SLC25A11: variants seen among roughly 807,000 people sequenced by gnomAD.
SLC25A11 encodes solute carrier family 25 member 11, also known as mitochondrial 2-oxoglutarate/malate carrier protein.
In SLC25A11, 11 loss-of-function variants were observed where a neutral mutation model predicts 32.7. The ratio of observed to expected loss-of-function variants is 0.34; its 90% CI spans 0.21 to 0.56. SLC25A11 has a LOEUF of 0.56. Among genes scored for constraint, SLC25A11 ranks in the 20% least tolerant of loss-of-function variants. The pLI, the probability that SLC25A11 is intolerant of heterozygous loss-of-function variation, is 0.90. For synonymous variants in SLC25A11, 163 were observed against 168.3 expected (o/e 0.97, Z 0.24); for missense variants, 295 against 426.3 (o/e 0.69, Z 2.71).
rs1292889654 is a variant in SLC25A11, at chr17:4,938,491, G to T, written c.546+21C>A. On this transcript the variant is annotated intron_variant, in intron 4 of 7. Coordinates refer to ENST00000225665, the MANE Select transcript of SLC25A11 (RefSeq NM_003562.5). The surrounding 1 kb of genome is among the most constrained non-coding windows in gnomAD (Gnocchi z 7.6). ...TAAAACCAGACCTCACAGCCCCCAA[G>T]TCTCCAGCCCCTCCACTCACCCGCC... 1 of 1,613,704 alleles carries T rather than the reference G, an allele frequency of 6.2e-7. No homozygotes were observed. Among genetic ancestry groups the T allele is most frequent in the Admixed American group, 1.7e-5 (1 of 60,022 alleles).
chr17:4,938,255 T>TGGGGGAGGTGAGGCGGG lies in SLC25A11; in HGVS notation c.638-19_638-3dup. 1 of 1,613,286 alleles carries TGGGGGAGGTGAGGCGGG rather than the reference T, an allele frequency of 6.2e-7. No individual in the cohort carries two copies. On this transcript the variant is annotated splice_region_variant and splice_polypyrimidine_tract_variant and intron_variant, in intron 5 of 7. Coordinates refer to ENST00000225665, the MANE Select transcript of SLC25A11 (RefSeq NM_003562.5). The surrounding 1 kb of genome is among the most constrained non-coding windows in gnomAD (Gnocchi z 7.6). ...ACAAGATGTTGTCAGAGAAGTAGCC[T>TGGGGGAGGTGAGGCGGG]GGGGGAGGTGAGGCGGGGGTGGCAG...
Position 4,937,624 on chromosome 17 carries a change from G to A in SLC25A11, c.*117C>T. ...AGAACAGACCAAGTCCTTTACCGCA[G>A]AGGAAGAAACCACACTGTGGAAGGG... On this transcript the variant is annotated 3_prime_UTR_variant, in exon 8 of 8. Coordinates refer to ENST00000225665, the MANE Select transcript of SLC25A11 (RefSeq NM_003562.5). 7.9e-7 allele frequency: 1 copy of A among 1,272,614 alleles called. No individual in the cohort carries two copies. Among genetic ancestry groups the A allele is most frequent in the South Asian group, 1.5e-5 (1 of 66,076 alleles). 78.8% of individuals were successfully genotyped at this position (1,272,614 alleles called of 1,614,324 possible).
Position 4,937,794 on chromosome 17 carries a change from T to C in SLC25A11, c.892A>G (p.Ile298Val), listed in dbSNP as rs1276442872. ...RLGPHTVLTF[I>V]FLEQMNKAYK... ...GCCTTGTTCATCTGCTCCAAGAAGA[T>C]GAAGGTGAGGACGGTGTGGGGGCCC... The change falls in exon 8 of 8, where the codon ATC becomes GTC. Residue 298 changes from isoleucine to valine, a missense_variant. Physicochemically the swap from Ile to Val is conservative, Grantham distance 29 (BLOSUM62 3). Around this residue, in one of 3 missense-constraint regions of SLC25A11, gnomAD observed 142 missense variants for 197.8 expected, o/e 0.72. Coordinates refer to ENST00000225665, the MANE Select transcript of SLC25A11 (RefSeq NM_003562.5). 2 of 1,614,040 alleles carry C rather than the reference T, an allele frequency of 1.2e-6. No individual in the cohort carries two copies. The highest frequency in any genetic ancestry group is 2.2e-5 in the South Asian group (2 of 91,086).
chr17:4,937,568 A>G lies in SLC25A11; in HGVS notation c.*173T>C, dbSNP rs763464837. ...CCAAGGACAGAGAAATCACAGGATC[A>G]GGACGAGCAGGGCAAGCTGGAGCAG... On this transcript the variant is annotated 3_prime_UTR_variant, in exon 8 of 8. Transcript: ENST00000225665. The G allele has an allele frequency of 3.4e-5, 22 of 641,946 alleles. No homozygotes were observed. The highest frequency in any genetic ancestry group is 4.9e-5 in the Non-Finnish European group (20 of 404,356). 39.8% of individuals were successfully genotyped at this position (641,946 alleles called of 1,614,324 possible).
rs1567652114 is a variant in SLC25A11, at chr17:4,939,026, CCA to C, written c.248+32_248+33del. 2 of 1,614,082 alleles carry C rather than the reference CCA, an allele frequency of 1.2e-6. No individual in the cohort carries two copies. The highest frequency in any genetic ancestry group is 8.5e-7 in the Non-Finnish European group (1 of 1,180,040). ...CAGGCCAAGGTCTAGAGCTGCCAAC[CCA>C]CAGTCTACCCTCCATCCTGAGGCCC... On this transcript the variant is annotated intron_variant, in intron 2 of 7. Transcript: ENST00000225665. This position sits in a 1 kb window ranked among gnomAD's most constrained non-coding sequence, Gnocchi z 4.1.
At position 4,939,010 on chromosome 17, in the gene SLC25A11, G is replaced by A. The variant is rs539752096; in HGVS notation, c.249-35C>T. 3.9e-5 allele frequency: 63 copies of A among 1,614,158 alleles called. 1 individual carries two copies. In the South Asian group the frequency reaches 6.6e-4, roughly 17 times the overall value. On this transcript the variant is annotated intron_variant, in intron 2 of 7. Transcript: ENST00000225665. This position sits in a 1 kb window ranked among gnomAD's most constrained non-coding sequence, Gnocchi z 4.1. ...AGAGGGGTCAGCATATCAGGCCAAG[G>A]TCTAGAGCTGCCAACCCACAGTCTA...
chr17:4,938,097 A>G lies in SLC25A11; in HGVS notation c.738-23T>C, dbSNP rs1267107871. 6.2e-7 allele frequency: 1 copy of G among 1,614,156 alleles called. No individual in the cohort carries two copies. Among genetic ancestry groups the G allele is most frequent in the African/African-American group, 1.3e-5 (1 of 75,030 alleles). ...ATTCTGCAGGAGAGGACGCAGGGGCATGAGAGACCGAAAGGGCACCCTCCC... is the reference window on the plus strand; with the variant it reads ...ATTCTGCAGGAGAGGACGCAGGGGCGTGAGAGACCGAAAGGGCACCCTCCC... On this transcript the variant is annotated intron_variant, in intron 6 of 7. Transcript: ENST00000225665. The surrounding 1 kb of genome is among the most constrained non-coding windows in gnomAD (Gnocchi z 7.6).
In SLC25A11 at chr17:4,939,003, G is replaced by T. The variant is rs775204716; in HGVS notation, c.249-28C>A. On this transcript the variant is annotated intron_variant, in intron 2 of 7. Transcript: ENST00000225665. The surrounding 1 kb of genome is among the most constrained non-coding windows in gnomAD (Gnocchi z 4.1). ...GAGGAGCAGAGGGGTCAGCATATCA[G>T]GCCAAGGTCTAGAGCTGCCAACCCA... The T allele has an allele frequency of 8.7e-5, 140 of 1,614,044 alleles. No homozygotes were observed. Among genetic ancestry groups the T allele is most frequent in the Non-Finnish European group, 1.2e-4 (139 of 1,180,016 alleles).
rs1238143217 is a variant in SLC25A11, at chr17:4,937,342, C to T, written c.*399G>A. 1 of 161,336 alleles carries T rather than the reference C, an allele frequency of 6.2e-6. No homozygotes were observed. The highest frequency in any genetic ancestry group is 2.4e-5 in the African/African-American group (1 of 41,718). 10.0% of individuals were successfully genotyped at this position (161,336 alleles called of 1,614,324 possible). A position where few individuals can be genotyped will look rare whatever the true frequency, so the allele number is the denominator to read the frequency against. On this transcript the variant is annotated 3_prime_UTR_variant, in exon 8 of 8. Coordinates refer to ENST00000225665, the MANE Select transcript of SLC25A11 (RefSeq NM_003562.5). ...TCATCAATCCAATTTATTAAGTCCT[C>T]AATGAGGGGGAGGAAGGGCCACATC...
In SLC25A11 at chr17:4,939,498, G is replaced by A; in HGVS notation, c.96-286C>T. ...AGTCCGACACAGGGAGGGGAGGAAG[G>A]GGCATCCAAGATTTAGGACTCCAGG... On this transcript the variant is annotated intron_variant, in intron 1 of 7. Transcript: ENST00000225665. This position sits in a 1 kb window ranked among gnomAD's most constrained non-coding sequence, Gnocchi z 4.1. The A allele has an allele frequency of 3.5e-6, 2 of 575,668 alleles. No individual in the cohort carries two copies. The highest frequency in any genetic ancestry group is 2.2e-5 in the South Asian group (1 of 45,576). 35.7% of individuals were successfully genotyped at this position (575,668 alleles called of 1,614,324 possible). A position where few individuals can be genotyped will look rare whatever the true frequency, so the allele number is the denominator to read the frequency against.
chr17:4,939,802 G>A lies in SLC25A11; in HGVS notation c.95+14C>T, dbSNP rs752858132. On this transcript the variant is annotated intron_variant, in intron 1 of 7. Coordinates refer to ENST00000225665, the MANE Select transcript of SLC25A11 (RefSeq NM_003562.5). The surrounding 1 kb of genome is among the most constrained non-coding windows in gnomAD (Gnocchi z 4.1). The stretch of plus-strand genomic sequence containing the variant: ...CCTTCCTCCTCTTTTCCCATCCCTG[G>A]GGCCTGAGCTTACCCGGCCAGGCCC... The A allele has an allele frequency of 1.2e-6, 2 of 1,605,482 alleles. No individual in the cohort carries two copies. The highest frequency in any genetic ancestry group is 2.3e-5 in the East Asian group (1 of 44,344).
chr17:4,939,273 G>A lies in SLC25A11; in HGVS notation c.96-61C>T. ...ATTCCAGATCTACCAGTGCCCACTG[G>A]AGCCTGGCAGCAAGAGGTTACAAAG... On this transcript the variant is annotated intron_variant, in intron 1 of 7. Transcript: ENST00000225665. The surrounding 1 kb of genome is among the most constrained non-coding windows in gnomAD (Gnocchi z 4.1). 3.2e-6 allele frequency: 5 copies of A among 1,539,454 alleles called. No homozygotes were observed. Among genetic ancestry groups the A allele is most frequent in the Non-Finnish European group, 4.4e-6 (5 of 1,137,152 alleles).
rs944367450 is a variant in SLC25A11 at position 4,938,796 on chromosome 17, G to A, written c.428C>T (p.Ala143Val). The change falls in exon 3 of 8, where the codon GCT becomes GTT. Residue 143 changes from alanine (A) to valine (V), a missense_variant. This residue lies in a region of SLC25A11 where 49 missense variants were observed against 106.9 expected (regional missense o/e 0.46). Coordinates refer to ENST00000225665, the MANE Select transcript of SLC25A11 (RefSeq NM_003562.5). The surrounding 1 kb of genome is among the most constrained non-coding windows in gnomAD (Gnocchi z 7.6). ...GCCATCGGCAGTCATGCGGATAAGA[G>A]CCACTTCGGCTGGTGTTCCCACAAA... ...GAFVGTPAEV[A>V]LIRMTADGRL... The A allele has an allele frequency of 8.1e-6, 13 of 1,613,084 alleles. No homozygotes were observed. Among genetic ancestry groups the A allele is most frequent in the Non-Finnish European group, 1.1e-5 (13 of 1,179,268 alleles).
In SLC25A11 at chr17:4,938,383, T is replaced by C. The variant is rs1403033302; in HGVS notation, c.593A>G (p.Gln198Arg). 6.2e-7 allele frequency: 1 copy of C among 1,613,812 alleles called. No homozygotes were observed. Residue 198 changes from glutamine (Q) to arginine (R), a missense_variant, in exon 5 of 8, where the codon CAG becomes CGG. Coordinates refer to ENST00000225665, the MANE Select transcript of SLC25A11 (RefSeq NM_003562.5). This position sits in a 1 kb window ranked among gnomAD's most constrained non-coding sequence, Gnocchi z 7.6. ...MARAVVVNAA[Q>R]LASYSQSKQF... ...CTTGGATTGGGAGTAGGAGGCGAGCTGGGCAGCATTGACGACGACGGCCCG... is the reference window on the plus strand; with the variant it reads ...CTTGGATTGGGAGTAGGAGGCGAGCCGGGCAGCATTGACGACGACGGCCCG...
In SLC25A11 at chr17:4,937,634, C is replaced by T; in HGVS notation, c.*107G>A. 1 of 1,366,728 alleles carries T rather than the reference C, an allele frequency of 7.3e-7. No individual in the cohort carries two copies. The highest frequency in any genetic ancestry group is 2.3e-5 in the East Asian group (1 of 43,322). The allele number at this position is 1,366,728 out of a possible 1,614,324, so 84.7% of individuals were successfully genotyped here. On this transcript the variant is annotated 3_prime_UTR_variant, in exon 8 of 8. Transcript: ENST00000225665. ...AAGTCCTTTACCGCAGAGGAAGAAACCACACTGTGGAAGGGAAATAAATAG... is the reference window on the plus strand; with the variant it reads ...AAGTCCTTTACCGCAGAGGAAGAAATCACACTGTGGAAGGGAAATAAATAG...
chr17:4,938,680 C>T lies in SLC25A11; in HGVS notation c.456-78G>A. 6.3e-7 allele frequency: 1 copy of T among 1,585,666 alleles called. No homozygotes were observed. Among genetic ancestry groups the T allele is most frequent in the East Asian group, 2.2e-5 (1 of 44,620 alleles). ...AAAGGAAGGCCAGAACAGGTAAACA[C>T]TCTGCTCCAGATCCGGGATAAAAAA... On this transcript the variant is annotated intron_variant, in intron 3 of 7. Coordinates refer to ENST00000225665, the MANE Select transcript of SLC25A11 (RefSeq NM_003562.5). This position sits in a 1 kb window ranked among gnomAD's most constrained non-coding sequence, Gnocchi z 7.6.
At position 4,938,386 on chromosome 17, in the gene SLC25A11, G is replaced by A. The variant is rs1482963975; in HGVS notation, c.590C>T (p.Ala197Val). ...GGATTGGGAGTAGGAGGCGAGCTGGGCAGCATTGACGACGACGGCCCGAGC... is the reference window on the plus strand; with the variant it reads ...GGATTGGGAGTAGGAGGCGAGCTGGACAGCATTGACGACGACGGCCCGAGC... ...TMARAVVVNA[A>V]QLASYSQSKQ... Residue 197 changes from alanine to valine, a missense_variant, in exon 5 of 8, where the codon GCC becomes GTC. Ala to Val is a moderately conservative substitution (Grantham distance 64). Around this residue, in one of 3 missense-constraint regions of SLC25A11, gnomAD observed 142 missense variants for 197.8 expected, o/e 0.72. Transcript: ENST00000225665. This position sits in a 1 kb window ranked among gnomAD's most constrained non-coding sequence, Gnocchi z 7.6. 6.2e-7 allele frequency: 1 copy of A among 1,614,174 alleles called. No homozygotes were observed.
Position 4,939,861 on chromosome 17 carries a change from C to A in SLC25A11, c.50G>T (p.Arg17Leu). 6.2e-7 allele frequency: 1 copy of A among 1,612,414 alleles called. No individual in the cohort carries two copies. Among genetic ancestry groups the A allele is most frequent in the Non-Finnish European group, 8.5e-7 (1 of 1,179,666 alleles). ...GAACTTGACGGACTTAGGGGAGGTACGGGGCTTCCCGTCTATCCCGCCGGC... is the reference window on the plus strand; with the variant it reads ...GAACTTGACGGACTTAGGGGAGGTAAGGGGCTTCCCGTCTATCCCGCCGGC... ...AGAGGIDGKP[R>L]TSPKSVKFLF... is the part of the protein sequence containing the mutation. The change falls in exon 1 of 8, where the codon CGT becomes CTT. Residue 17 changes from arginine (R) to leucine (L), a missense_variant. Physicochemically the swap from Arg to Leu is moderately radical, Grantham distance 102 (BLOSUM62 -2). Transcript: ENST00000225665. This position sits in a 1 kb window ranked among gnomAD's most constrained non-coding sequence, Gnocchi z 4.1.
rs141327993 is a variant in SLC25A11 at position 4,937,795 on chromosome 17, G to A, written c.891C>T (p.Phe297=). 1.2e-5 allele frequency: 19 copies of A among 1,614,072 alleles called. No individual in the cohort carries two copies. In the African/African-American group the frequency reaches 2.5e-4, roughly 22 times the overall value. The change falls in exon 8 of 8, where the codon TTC becomes TTT. Residue 297 remains phenylalanine, a synonymous_variant. Transcript: ENST00000225665. ...CCTTGTTCATCTGCTCCAAGAAGAT[G>A]AAGGTGAGGACGGTGTGGGGGCCCA... is the stretch of plus-strand genomic sequence containing the variant. ...ARLGPHTVLT[F]IFLEQMNKAY...
Sources: gnomAD v4.1 joint callset for allele counts on GRCh38, gnomAD v4.1.1 for gene constraint, gnomAD v4.1.1 regional missense constraint, Gnocchi (gnomAD v3.1) non-coding constraint, MANE v1.5 for transcripts, NCBI Gene and HGNC (gene_info 2026-07-23, HGNC 2026-07-21) for gene names.